PSD3: variants seen among roughly 807,000 people sequenced by gnomAD.
PSD3 encodes the protein PH and SEC7 domain-containing protein 3.
In PSD3, 49 loss-of-function variants were observed where a neutral mutation model predicts 105.5. The ratio of observed to expected loss-of-function variants is 0.46; its 90% confidence interval spans 0.37 to 0.59. PSD3 has a LOEUF of 0.59. PSD3 is among the 20% of genes least tolerant of loss of function. The pLI is 0.00. For missense variants in PSD3, 1,561 were observed against 1,263.8 expected (o/e 1.24, Z -3.57); for synonymous variants, 557 against 457.8 (o/e 1.22, Z -2.77).
chr8:18,590,601 T>C (rs926701627), intron 12 of PSD3, among the ~76,000 whole-genome samples: 1 of 152,116 alleles, frequency 6.6e-6, no homozygotes, highest in African/African-American at 2.4e-5. Flanking sequence ...GTTCCTACCA[T>C]GTGCCCCATG....
At chr8:18,634,580 C>T (rs1426917667) in intron 10 of PSD3, among the ~76,000 whole-genome samples, 1 of 152,074 alleles carries the variant, frequency 6.6e-6, no homozygotes, top group Non-Finnish European at 1.5e-5. Flanking sequence ...GTTGTCATGT[C>T]TCTTTAGCGT....
At chr8:18,822,019 C>G (rs893679773) in intron 4 of PSD3, among the ~76,000 whole-genome samples, 1 of 151,986 alleles carries the variant, frequency 6.6e-6, no homozygotes, top group Non-Finnish European at 1.5e-5. Context: ...GTACCCTTAG[C>G]AAAGACAATA....
At chr8:18,709,494 CCAGG>C (rs1802113165) in intron 9 of PSD3, among the ~76,000 whole-genome samples, 1 of 152,224 alleles carries the variant, frequency 6.6e-6, no homozygotes, top group Non-Finnish European at 1.5e-5. Flanking sequence ...CAAGGGGCAG[CCAGG>C]CTGCTTCTTC....
chr8:18,804,558 A>G lies in PSD3; in HGVS notation c.1874T>C (p.Phe625Ser), dbSNP rs1392225021. The G allele has an allele frequency of 1.2e-6, 2 of 1,613,668 alleles. No individual in the cohort carries two copies. The highest frequency in any genetic ancestry group is 1.7e-5 in the Admixed American group (1 of 60,012). The change falls in exon 6 of 16, where the codon TTT becomes TCT. Residue 625 changes from phenylalanine to serine, a missense_variant. Phe to Ser is a radical substitution (Grantham distance 155). Coordinates refer to ENST00000327040, the MANE Select transcript of PSD3 (RefSeq NM_015310.4). ...ATCCAGCGTCATTCCTGTAAAATCA[A>G]AAAACTTCAGATATTCTTCTGCAAC... ...KLVAEEYLKFFDFTGMTLDQS... is the reference protein window; with the variant it reads ...KLVAEEYLKFSDFTGMTLDQS...
At chr8:18,803,287 C>CCAA (rs745364289) in intron 6 of PSD3, 1 of 51,192 alleles carries the variant, frequency 2.0e-5, no homozygotes, top group Non-Finnish European at 3.2e-5. Flanking sequence ...ACTCTGTCTC[C>CCAA]AAAAAAAAAA....
At chr8:18,616,025 C>T (rs1307889221) in intron 11 of PSD3, among the ~76,000 whole-genome samples, 1 of 152,238 alleles carries the variant, frequency 6.6e-6, no homozygotes. Context: ...AGGAATATAA[C>T]AGCCTCACTT....
In PSD3 at chr8:18,828,281, C is replaced by T. The variant is rs143233835; in HGVS notation, c.1635-23383G>A. Among the ~76,000 whole-genome samples, 338 of 151,564 alleles carry T rather than the reference C, an allele frequency of 2.2e-3. 6 individuals carry two copies. The highest frequency in any genetic ancestry group is 0.02 in the Admixed American group (305 of 15,176). On this transcript the variant is annotated intron_variant, in intron 4 of 15. Transcript: ENST00000327040. ...CAACTATAGAAAGCAGCCAAAAATC[C>T]ACCCAAAAAATGACTTTAGTTTTAT...
At position 18,539,637 on chromosome 8, in the gene PSD3, G is replaced by C. The variant is rs189834898; in HGVS notation, c.2929-3679C>G. Among the ~76,000 whole-genome samples, 420 of 148,350 alleles carry C rather than the reference G, an allele frequency of 2.8e-3. 10 individuals are homozygous for C. The East Asian group carries it at 0.066, about 23-fold the overall frequency. Reference sequence around the variant, plus strand: ...ATCTCGGCTCACTGCAACCTCTGCCGACTGGGTTCAAGCAATTCCCCTGCC... The same window carrying C: ...ATCTCGGCTCACTGCAACCTCTGCCCACTGGGTTCAAGCAATTCCCCTGCC... On this transcript the variant is annotated intron_variant, in intron 15 of 15. Transcript: ENST00000327040.
chr8:19,000,715 C>T lies in PSD3; in HGVS notation c.21+12848G>A, dbSNP rs149246149. On this transcript the variant is annotated intron_variant, in intron 1 of 15. Coordinates refer to ENST00000327040, the MANE Select transcript of PSD3 (RefSeq NM_015310.4). ...GATGAAGCCACTGTGAAGCCAATAG[C>T]AAAAAAGTGATCAGGCCAGAAATCC... 2.8e-3 allele frequency: 426 copies of T among 151,944 alleles called. 7 individuals are homozygous for T. Among genetic ancestry groups the T allele is most frequent in the African/African-American group, 9.7e-3 (402 of 41,412 alleles). 9.4% of individuals were successfully genotyped at this position (151,944 alleles called of 1,614,324 possible). A position where few individuals can be genotyped will look rare whatever the true frequency, so the allele number is the denominator to read the frequency against.
At chr8:18,753,870 C>G (rs1055713142) in intron 9 of PSD3, among the ~76,000 whole-genome samples, 2 of 152,126 alleles carry the variant, frequency 1.3e-5, no homozygotes, top group African/African-American at 2.4e-5. Flanking sequence ...TGCAGCCATT[C>G]TGAGAGGCTA....
chr8:18,704,576 G>A (rs1009474180), intron 9 of PSD3, among the ~76,000 whole-genome samples: 10 of 152,230 alleles, frequency 6.6e-5, no homozygotes, highest in African/African-American at 2.4e-4. Context: ...TCCTGACCTC[G>A]TGATCTGCCT....
chr8:19,006,733 C>A (rs774863215), intron 1 of PSD3, among the ~76,000 whole-genome samples: 1 of 152,096 alleles, frequency 6.6e-6, no homozygotes, highest in Non-Finnish European at 1.5e-5. Flanking sequence ...ACTTACCTAT[C>A]TTTAAAACTC....
chr8:18,934,546 G>C (rs968812529), intron 2 of PSD3, among the ~76,000 whole-genome samples: 6 of 152,078 alleles, frequency 3.9e-5, no homozygotes, highest in Non-Finnish European at 8.8e-5. Flanking sequence ...GAGTAGCTGT[G>C]ACTACAGGCA....
intron 1 of PSD3, among the ~76,000 whole-genome samples, chr8:19,042,605 T>G (rs1828161322): frequency 6.6e-6 from 1 of 152,234 alleles, no homozygotes. Flanking sequence ...AATAAAATCC[T>G]GGGATATAAA....
intron 9 of PSD3, among the ~76,000 whole-genome samples, chr8:18,731,072 A>G (rs1431845596): frequency 6.9e-6 from 1 of 144,548 alleles, no homozygotes; most frequent in Non-Finnish European, 1.5e-5. Flanking sequence ...CCTGGCCAAC[A>G]TGGTAAAACC....
chr8:18,668,375 A>T (rs1298386201), intron 9 of PSD3, among the ~76,000 whole-genome samples: 1 of 152,250 alleles, frequency 6.6e-6, no homozygotes, highest in Non-Finnish European at 1.5e-5. Context: ...TGACGCTGCG[A>T]TGATGTTCTA....
intron 15 of PSD3, among the ~76,000 whole-genome samples, chr8:18,549,837 G>A (rs181124451): frequency 6.6e-6 from 1 of 152,276 alleles, no homozygotes; most frequent in African/African-American, 2.4e-5. Flanking sequence ...TCTTTGTGAA[G>A]GTGACATAAT....
At chr8:18,988,375 A>T (rs1825617070) in intron 1 of PSD3, among the ~76,000 whole-genome samples, 12 of 152,306 alleles carry the variant, frequency 7.9e-5, no homozygotes, top group Admixed American at 7.2e-4. Flanking sequence ...TAAAACTGTA[A>T]CAGATGAAAA....
At chr8:18,920,921 G>A (rs940938504) in intron 2 of PSD3, among the ~76,000 whole-genome samples, 2 of 151,996 alleles carry the variant, frequency 1.3e-5, no homozygotes, top group Non-Finnish European at 2.9e-5. Context: ...TTTCCCTTGT[G>A]ACACTATCAT....
Sources: allele counts gnomAD v4.1 joint callset (sites outside exome capture counted in the v4.1 genomes callset), GRCh38; gene constraint gnomAD v4.1.1; transcripts MANE v1.5; gene names NCBI Gene and HGNC (gene_info 2026-07-23, HGNC 2026-07-21).